Variants in ARHGAP24 observed in about 807,000 individuals in gnomAD.
ARHGAP24 encodes rho GTPase-activating protein 24.
Under a neutral mutation model 76.4 loss-of-function variants are expected in ARHGAP24, and 50 were observed. The observed-to-expected ratio is 0.65, with a 90% CI of 0.52 to 0.83. The LOEUF (loss-of-function observed/expected upper bound fraction) is 0.83. Ranked by LOEUF, ARHGAP24 falls within the 40% of genes least tolerant of loss-of-function variation. The pLI is 0.00. For synonymous variants in ARHGAP24, 345 were observed against 323.3 expected, an observed-to-expected ratio of 1.07 and a Z score of -0.72; for missense variants, 930 against 914.2, an observed-to-expected ratio of 1.02 and a Z score of -0.22.
intron 3 of ARHGAP24, among the ~76,000 whole-genome samples, chr4:85,785,302 T>G (rs1164835201): frequency 6.6e-6 from 1 of 152,202 alleles, no homozygotes; most frequent in Admixed American, 6.5e-5. Context: ...AAATTTATCT[T>G]AAAGAGACTG....
chr4:85,514,430 A>C (rs1724406783), intron 1 of ARHGAP24, among the ~76,000 whole-genome samples: 1 of 152,068 alleles, frequency 6.6e-6, no homozygotes, highest in South Asian at 2.1e-4. Flanking sequence ...GATTTTATTT[A>C]TACATAGTGT....
intron 2 of ARHGAP24, among the ~76,000 whole-genome samples, chr4:85,664,279 A>T (rs1722520932): frequency 1.3e-5 from 2 of 150,714 alleles, no homozygotes; most frequent in Admixed American, 6.6e-5. Flanking sequence ...TTTCTTCTGG[A>T]TTTTCTAGTT....
intron 3 of ARHGAP24, among the ~76,000 whole-genome samples, chr4:85,889,068 A>G (rs1222602919): frequency 1.3e-5 from 2 of 152,110 alleles, no homozygotes; most frequent in Non-Finnish European, 2.9e-5. Context: ...GCTATTCTGT[A>G]TAGTGTTGCA....
chr4:85,606,374 G>T (rs71599419), intron 2 of ARHGAP24, among the ~76,000 whole-genome samples: 1 of 151,902 alleles, frequency 6.6e-6, no homozygotes, highest in Non-Finnish European at 1.5e-5. Context: ...TTGACTGGGC[G>T]TGGTTGCGGG....
intron 8 of ARHGAP24, among the ~76,000 whole-genome samples, chr4:85,992,781 G>A (rs1261648401): frequency 6.7e-6 from 1 of 149,924 alleles, no homozygotes; most frequent in African/African-American, 2.5e-5. Context: ...GAGAAAAGAA[G>A]GCTATATAAT....
chr4:85,995,682 C>G, intron 9 of ARHGAP24, 25 bp downstream of exon 9: 1 of 1,608,380 alleles, frequency 6.2e-7, no homozygotes, highest in Non-Finnish European at 8.5e-7. Context: ...GAGGTCGTAA[C>G]TACCAGAGAG....
At chr4:85,708,794 A>G (rs1372345363) in intron 2 of ARHGAP24, among the ~76,000 whole-genome samples, 1 of 152,166 alleles carries the variant, frequency 6.6e-6, no homozygotes, top group African/African-American at 2.4e-5. Context: ...AAGCAATTTT[A>G]CCTTCATATC....
chr4:85,833,955 A>C (rs1280011444), intron 3 of ARHGAP24, among the ~76,000 whole-genome samples: 1 of 152,236 alleles, frequency 6.6e-6, no homozygotes, highest in Non-Finnish European at 1.5e-5. Flanking sequence ...TGGGAAGGTT[A>C]TTTAACTTTT....
intron 3 of ARHGAP24, among the ~76,000 whole-genome samples, chr4:85,825,148 G>A (rs755418943): frequency 2.0e-5 from 3 of 152,068 alleles, no homozygotes; most frequent in African/African-American, 4.8e-5. Context: ...AAATACCTTA[G>A]TGGGGCAGTA....
At chr4:85,846,131 C>T (rs932154296) in intron 3 of ARHGAP24, among the ~76,000 whole-genome samples, 1 of 152,126 alleles carries the variant, frequency 6.6e-6, no homozygotes, top group African/African-American at 2.4e-5. Flanking sequence ...TCTCAAACTC[C>T]TGACCTCAGG....
At chr4:85,573,955 A>G (rs1243160200) in intron 2 of ARHGAP24, among the ~76,000 whole-genome samples, 1 of 152,222 alleles carries the variant, frequency 6.6e-6, no homozygotes, top group Non-Finnish European at 1.5e-5. Flanking sequence ...CAACGTAAGA[A>G]TGTCCATGGT....
intron 3 of ARHGAP24, among the ~76,000 whole-genome samples, chr4:85,842,211 A>G (rs2110150320): frequency 6.6e-6 from 1 of 152,320 alleles, no homozygotes; most frequent in East Asian, 1.9e-4. Context: ...AATGGGAAGT[A>G]GTAGATGGGA....
chr4:85,887,856 CT>C (rs1733651506), intron 3 of ARHGAP24, among the ~76,000 whole-genome samples: 1 of 151,904 alleles, frequency 6.6e-6, no homozygotes, highest in African/African-American at 2.4e-5. Context: ...AATTGTTTAC[CT>C]TTTTTCCCTG....
chr4:85,824,382 A>C (rs1042451881), intron 3 of ARHGAP24, among the ~76,000 whole-genome samples: 4 of 152,224 alleles, frequency 2.6e-5, no homozygotes, highest in African/African-American at 9.6e-5. Flanking sequence ...CACACACTAG[A>C]AACAACCCCA....
At chr4:85,769,811 A>T (rs1727066565) in intron 3 of ARHGAP24, among the ~76,000 whole-genome samples, 1 of 150,500 alleles carries the variant, frequency 6.6e-6, no homozygotes, top group Admixed American at 6.6e-5. Flanking sequence ...CTGGTCTTGA[A>T]CTCTTGACCT....
At chr4:85,584,335 A>G (rs1401104081) in intron 2 of ARHGAP24, among the ~76,000 whole-genome samples, 3 of 151,964 alleles carry the variant, frequency 2.0e-5, no homozygotes, top group Non-Finnish European at 2.9e-5. Context: ...GTAAACTATC[A>G]CAAGGACAAA....
rs200239382 is a variant in ARHGAP24, at chr4:85,995,012, C to T, written c.1358C>T (p.Pro453Leu). 1.9e-6 allele frequency: 3 copies of T among 1,614,044 alleles called. No homozygotes were observed. The highest frequency in any genetic ancestry group is 2.5e-6 in the Non-Finnish European group (3 of 1,180,028). The change falls in exon 9 of 10, where the codon CCC becomes CTC. Residue 453 changes from proline (P) to leucine (L), a missense_variant. Transcript: ENST00000395184. ...GGTCTTGAGAAAACCCAAACCACCCCCAATGGGAGCCTACAGGCCAGAAGG... is the reference window on the plus strand; with the variant it reads ...GGTCTTGAGAAAACCCAAACCACCCTCAATGGGAGCCTACAGGCCAGAAGG... ...AEGLEKTQTTPNGSLQARRSS... is the reference protein window; with the variant it reads ...AEGLEKTQTTLNGSLQARRSS...
At chr4:85,845,028 C>T (rs1730801358) in intron 3 of ARHGAP24, among the ~76,000 whole-genome samples, 1 of 152,088 alleles carries the variant, frequency 6.6e-6, no homozygotes, top group Non-Finnish European at 1.5e-5. Flanking sequence ...ATCACTTCTC[C>T]CTGCATTTTT....
At chr4:85,488,191 T>C (rs1051994789) in intron 1 of ARHGAP24, among the ~76,000 whole-genome samples, 1 of 151,940 alleles carries the variant, frequency 6.6e-6, no homozygotes, top group Admixed American at 6.6e-5. Context: ...ACCTTGATAT[T>C]TTCCACGAAA....
Sources: allele counts gnomAD v4.1 joint callset (sites outside exome capture counted in the v4.1 genomes callset), GRCh38; gene constraint gnomAD v4.1.1; transcripts MANE v1.5; gene names NCBI Gene and HGNC (gene_info 2026-07-23, HGNC 2026-07-21).